EPHX2: variants seen among roughly 807,000 people sequenced by gnomAD.
The protein encoded by EPHX2 is epoxide hydrolase 2.
A neutral mutation model predicts 78.7 loss-of-function variants in EPHX2; 74 were observed. The observed-to-expected ratio is 0.94, with a 90% confidence interval of 0.78 to 1.14. EPHX2 has a LOEUF of 1.14. EPHX2 is among the 50% of genes most tolerant of loss of function. The pLI is 0.00. For missense variants in EPHX2, 715 were observed against 702.5 expected, an observed-to-expected ratio of 1.02 and a Z score of -0.20; for synonymous variants, 251 against 255.2, an observed-to-expected ratio of 0.98 and a Z score of 0.16.
chr8:27,515,213 A>G (rs1814404195), intron 6 of EPHX2, among the ~76,000 whole-genome samples: 1 of 152,166 alleles, frequency 6.6e-6, no homozygotes, highest in Non-Finnish European at 1.5e-5. Flanking sequence ...CTTTTCACCA[A>G]GAAAACCCTG....
chr8:27,534,511 G>A lies in EPHX2; in HGVS notation c.1171-2273G>A, dbSNP rs903799562. On this transcript the variant is annotated intron_variant, in intron 12 of 18. Transcript: ENST00000521400. ...ACTAAAAATACCAAAAATTAGCCGGGCGTGATAGTGGGCCCCTGTAATCCC... is the reference window on the plus strand; with the variant it reads ...ACTAAAAATACCAAAAATTAGCCGGACGTGATAGTGGGCCCCTGTAATCCC... 1.2e-4 allele frequency among the ~76,000 whole-genome samples: 19 copies of A among 152,088 alleles called. 1 individual carries two copies. The highest frequency in any genetic ancestry group is 8.5e-4 in the Admixed American group (13 of 15,270).
chr8:27,540,777 C>T (rs1028825751), intron 15 of EPHX2, 121 bp downstream of exon 15: 5 of 876,346 alleles, frequency 5.7e-6, no homozygotes, highest in South Asian at 4.6e-5. Flanking sequence ...AGTGCCAGGC[C>T]AGCCTCTGCT....
chr8:27,503,639 C>T lies in EPHX2; in HGVS notation c.222C>T (p.Cys74=), dbSNP rs778894848. The T allele has an allele frequency of 1.1e-5, 17 of 1,613,350 alleles. No homozygotes were observed. The highest frequency in any genetic ancestry group is 1.3e-5 in the Non-Finnish European group (15 of 1,179,712). ...IPLMEENCRK[C]SETAKVCLPK... ...TCATGGAAGAAAACTGCAGGAAGTG[C>T]TCCGAGACCGCTAAAGTCTGCCTCC... Residue 74 remains cysteine, a synonymous_variant, in exon 3 of 19, where the codon TGC becomes TGT. Transcript: ENST00000521400.
At chr8:27,547,102 A>G (rs555882431), downstream of EPHX2, among the ~76,000 whole-genome samples, 1 of 152,344 alleles carries the variant, frequency 6.6e-6, no homozygotes, top group African/African-American at 2.4e-5. Context: ...AGATCCAGTC[A>G]CTGCCCACCA....
Position 27,540,561 on chromosome 8 carries a change from T to G in EPHX2, c.1284T>G (p.Leu428=), listed in dbSNP as rs202113467. The change falls in exon 15 of 19, where the codon CTT becomes CTG. Residue 428 remains leucine, a synonymous_variant. Transcript: ENST00000521400. ...SMHKVCEAGG[L]FVNSPEEPSL... ...AAGTGGCTTTTTTTGCAGGAGGACTTTTTGTAAATAGCCCAGAAGAGCCCA... is the reference window on the plus strand; with the variant it reads ...AAGTGGCTTTTTTTGCAGGAGGACTGTTTGTAAATAGCCCAGAAGAGCCCA... The G allele has an allele frequency of 6.2e-7, 1 of 1,614,000 alleles. No individual in the cohort carries two copies. Among genetic ancestry groups the G allele is most frequent in the Non-Finnish European group, 8.5e-7 (1 of 1,179,966 alleles).
At chr8:27,509,984 A>G (rs57324233) in intron 5 of EPHX2, among the ~76,000 whole-genome samples, 19,203 of 152,182 alleles carry the variant, frequency 0.13, 1,403 homozygotes, top group African/African-American at 0.21. Context: ...CCCTGCTCAC[A>G]GGCCTTGGCT....
chr8:27,515,939 C>G, intron 7 of EPHX2, 126 bp downstream of exon 7: 4 of 859,092 alleles, frequency 4.7e-6, no homozygotes, highest in Non-Finnish European at 7.5e-6. Context: ...CAAAGTGTGA[C>G]CAGGTTGGGG....
intron 6 of EPHX2, 122 bp from the exon 7 acceptor site, chr8:27,515,596 A>G: frequency 2.6e-6 from 2 of 772,738 alleles, no homozygotes; most frequent in Non-Finnish European, 4.2e-6. Flanking sequence ...TCACTGAGAA[A>G]TCTGGGTCAT....
At chr8:27,501,333 CT>C (rs1422848173) in intron 2 of EPHX2, among the ~76,000 whole-genome samples, 55 of 72,588 alleles carry the variant, frequency 7.6e-4, no homozygotes, top group Non-Finnish European at 8.9e-4. Flanking sequence ...TTTTCTTCTT[CT>C]TCTTCTTCTT....
intron 13 of EPHX2, among the ~76,000 whole-genome samples, chr8:27,537,082 C>A (rs1436592244): frequency 6.6e-6 from 1 of 152,096 alleles, no homozygotes; most frequent in Non-Finnish European, 1.5e-5. Context: ...ATGCTATTAC[C>A]ATTACCATTT....
At chr8:27,546,062 T>C (rs963370338), downstream of EPHX2, among the ~76,000 whole-genome samples, 2 of 151,010 alleles carry the variant, frequency 1.3e-5, no homozygotes, top group Non-Finnish European at 2.9e-5. Context: ...CTGAGCTTTT[T>C]CTACAAAAAA....
rs535643636 is a variant in EPHX2, at chr8:27,530,809, G to A, written c.1170+5336G>A. Reference sequence around the variant, plus strand: ...ATGGAGTTTCGCTCTTGTTCCCCAGGCTGGAGTGCAATGGCATGATCTCAG... The same window carrying A: ...ATGGAGTTTCGCTCTTGTTCCCCAGACTGGAGTGCAATGGCATGATCTCAG... On this transcript the variant is annotated intron_variant, in intron 12 of 18. Transcript: ENST00000521400. Among the ~76,000 whole-genome samples, 102 of 147,668 alleles carry A rather than the reference G, an allele frequency of 6.9e-4. 1 individual carries two copies. Among genetic ancestry groups the A allele is most frequent in the Admixed American group, 1.4e-3 (20 of 14,730 alleles).
chr8:27,494,987 A>C (rs992383596), intron 1 of EPHX2, among the ~76,000 whole-genome samples: 1 of 152,198 alleles, frequency 6.6e-6, no homozygotes, highest in African/African-American at 2.4e-5. Flanking sequence ...TTCTAATGGG[A>C]GGTTCCACCT....
intron 12 of EPHX2, among the ~76,000 whole-genome samples, chr8:27,533,405 T>C (rs1447741515): frequency 6.6e-6 from 1 of 152,172 alleles, no homozygotes. Context: ...TTGTCATTGG[T>C]CTGTAGGATT....
rs151233441 is a variant in EPHX2, at chr8:27,520,658, T to C, written c.946-225T>C. ...CTGTGCCCGGCTTAATCTCCTCCTC[T>C]GATCAGGACTCCCAGACCCGTTGGA... On this transcript the variant is annotated intron_variant, in intron 9 of 18. Transcript: ENST00000521400. 3.7e-4 allele frequency among the ~76,000 whole-genome samples: 57 copies of C among 152,262 alleles called. No homozygotes were observed. In the East Asian group the frequency reaches 0.011, roughly 29 times the overall value.
At chr8:27,516,871 G>A (rs1277789513) in intron 8 of EPHX2, among the ~76,000 whole-genome samples, 1 of 151,100 alleles carries the variant, frequency 6.6e-6, no homozygotes, top group Non-Finnish European at 1.5e-5. Flanking sequence ...TTAGCATAAT[G>A]TCCTGAAGTT....
chr8:27,532,869 A>G (rs2132783489), intron 12 of EPHX2, among the ~76,000 whole-genome samples: 1 of 152,312 alleles, frequency 6.6e-6, no homozygotes, highest in African/African-American at 2.4e-5. Flanking sequence ...TAATTCCAGC[A>G]CTTTGGGAGG....
intron 8 of EPHX2, among the ~76,000 whole-genome samples, chr8:27,517,450 A>G (rs1168134072): frequency 6.6e-6 from 1 of 152,240 alleles, no homozygotes; most frequent in Non-Finnish European, 1.5e-5. Context: ...AGAAAGAATA[A>G]CAAAGCTGGA....
chr8:27,539,044 G>A (rs1034989987), intron 14 of EPHX2: 10 of 229,638 alleles, frequency 4.4e-5, no homozygotes, highest in Non-Finnish European at 7.8e-5. Flanking sequence ...GTGGAGTGGG[G>A]CCCCTGCCCA....
Sources: allele counts gnomAD v4.1 joint callset (sites outside exome capture counted in the v4.1 genomes callset), GRCh38; gene constraint gnomAD v4.1.1; transcripts MANE v1.5; gene names NCBI Gene and HGNC (gene_info 2026-07-23, HGNC 2026-07-21).